Variants in MOB3C observed in about 807,000 individuals in gnomAD.
MOB3C encodes MOB kinase activator 3C.
A neutral mutation model predicts 19.8 loss-of-function variants in MOB3C; 17 were observed. That is an observed-to-expected ratio of 0.86 (90% CI 0.59 to 1.29). MOB3C has a LOEUF of 1.29. Among genes scored for constraint, MOB3C ranks in the 50% most tolerant of loss-of-function variants. MOB3C has a pLI of 0.00. For missense variants in MOB3C, 291 were observed against 301.9 expected, an observed-to-expected ratio of 0.96 and a Z score of 0.27; for synonymous variants, 101 against 119.2, an observed-to-expected ratio of 0.85 and a Z score of 0.99.
At chr1:46,610,729 G>C (rs999875848) in intron 2 of MOB3C, among the ~76,000 whole-genome samples, 6 of 152,156 alleles carry the variant, frequency 3.9e-5, no homozygotes, top group Non-Finnish European at 8.8e-5. Flanking sequence ...GCTCTCCCCT[G>C]CTGGAATATA....
rs893771080 is a variant in MOB3C at position 46,612,977 on chromosome 1, C to T, written c.345G>A (p.Pro115=). ...QYRRPAKLSA[P]RYMALLMDWI... is the part of the protein sequence containing the mutation. ...AGTCCATGAGCAATGCCATATAGCG[C>T]GGCGCAGAGAGCTTGGCGGGCCGCC... is the stretch of plus-strand genomic sequence containing the variant. Residue 115 remains proline (P), a synonymous_variant, in exon 2 of 4, where the codon CCG becomes CCA. Transcript: ENST00000319928. 1 of 1,609,990 alleles carries T rather than the reference C, an allele frequency of 6.2e-7. No individual in the cohort carries two copies. Among genetic ancestry groups the T allele is most frequent in the Non-Finnish European group, 8.5e-7 (1 of 1,177,554 alleles).
At chr1:46,612,331 G>A (rs984800479) in intron 2 of MOB3C, among the ~76,000 whole-genome samples, 8 of 152,124 alleles carry the variant, frequency 5.3e-5, no homozygotes, top group Non-Finnish European at 8.8e-5. Flanking sequence ...AACACCTCGG[G>A]GCAACTGTTC....
rs1299515090 is a variant in MOB3C, at chr1:46,609,037, T to G, written c.*618A>C. ...AGCAACATCTACAACCACATTTTTG[T>G]GCACTTACACACATGGTCAGATACA... On this transcript the variant is annotated 3_prime_UTR_variant, in exon 4 of 4. Transcript: ENST00000319928. 3.2e-5 allele frequency: 5 copies of G among 155,828 alleles called. No homozygotes were observed. The highest frequency in any genetic ancestry group is 6.2e-5 in the Admixed American group (1 of 16,118). 9.7% of individuals were successfully genotyped at this position (155,828 alleles called of 1,614,324 possible). A position where few individuals can be genotyped will look rare whatever the true frequency, so the allele number is the denominator to read the frequency against.
At chr1:46,614,104 C>G (rs1047937890) in intron 1 of MOB3C, 1 of 152,338 alleles carries the variant, frequency 6.6e-6, no homozygotes, top group Non-Finnish European at 1.5e-5. Context: ...TGGCTCCTCC[C>G]GTTGCACCTG....
rs887652703 is a variant in MOB3C at position 46,611,464 on chromosome 1, G to A, written c.419-1260C>T. 2.0e-5 allele frequency among the ~76,000 whole-genome samples: 3 copies of A among 152,340 alleles called. No individual in the cohort carries two copies. The highest frequency in any genetic ancestry group is 1.3e-4 in the Admixed American group (2 of 15,306). On this transcript the variant is annotated intron_variant, in intron 2 of 3. Coordinates refer to ENST00000319928, the MANE Select transcript of MOB3C (RefSeq NM_201403.3). This position sits in a 1 kb window ranked among gnomAD's most constrained non-coding sequence, Gnocchi z 4.1. ...CTTGGTGGCTTATGCCCTCTTCTCT[G>A]TGTGGCAGTCACCCAGGGTTTTAGG... is the stretch of plus-strand genomic sequence containing the variant.
rs1227829931 is a variant in MOB3C, at chr1:46,611,073, A to AC, written c.419-870dup. On this transcript the variant is annotated intron_variant, in intron 2 of 3. Transcript: ENST00000319928. The surrounding 1 kb of genome is among the most constrained non-coding windows in gnomAD (Gnocchi z 4.1). Reference sequence around the variant, plus strand: ...TCAACATTCACACAGAAGTCCTCAGACCCCCAATCCTGGAAATTATGAATT... The same window carrying AC: ...TCAACATTCACACAGAAGTCCTCAGACCCCCCAATCCTGGAAATTATGAATT... 6.6e-6 allele frequency among the ~76,000 whole-genome samples: 1 copy of AC among 151,904 alleles called. No individual in the cohort carries two copies. The highest frequency in any genetic ancestry group is 1.5e-5 in the Non-Finnish European group (1 of 67,982).
At position 46,613,003 on chromosome 1, in the gene MOB3C, G is replaced by A. The variant is rs779275572; in HGVS notation, c.319C>T (p.Arg107Trp). The A allele has an allele frequency of 1.9e-6, 3 of 1,612,808 alleles. No individual in the cohort carries two copies. Among genetic ancestry groups the A allele is most frequent in the Non-Finnish European group, 2.5e-6 (3 of 1,179,306 alleles). The change falls in exon 2 of 4, where the codon CGG becomes TGG. Residue 107 changes from arginine to tryptophan, a missense_variant. Physicochemically the swap from Arg to Trp is moderately radical, Grantham distance 101. Transcript: ENST00000319928. ...EYRWQDERQY[R>W]RPAKLSAPRY... The stretch of plus-strand genomic sequence containing the variant: ...GGCGCAGAGAGCTTGGCGGGCCGCC[G>A]GTACTGGCGCTCGTCCTGCCAGCGG...
Position 46,610,188 on chromosome 1 carries a change from C to T in MOB3C, c.435G>A (p.Lys145=). The T allele has an allele frequency of 1.2e-6, 2 of 1,613,940 alleles. No homozygotes were observed. The highest frequency in any genetic ancestry group is 1.7e-6 in the Non-Finnish European group (2 of 1,179,982). ...FPTRVGVPFP[K]NFQQVCTKIL... is the part of the protein sequence containing the mutation. ...TCTTGGTGCAGACCTGCTGGAAGTT[C>T]TTAGGGAAGGGAACTCCTAGAGGGC... The change falls in exon 3 of 4, where the codon AAG becomes AAA. Residue 145 remains lysine (K), a synonymous_variant. Transcript: ENST00000319928.
rs538553346 is a variant in MOB3C, at chr1:46,610,519, G to A, written c.419-315C>T. Among the ~76,000 whole-genome samples, 6 of 152,286 alleles carry A rather than the reference G, an allele frequency of 3.9e-5. No homozygotes were observed. In the South Asian group the frequency reaches 1.2e-3, roughly 32 times the overall value. On this transcript the variant is annotated intron_variant, in intron 2 of 3. Coordinates refer to ENST00000319928, the MANE Select transcript of MOB3C (RefSeq NM_201403.3). ...CTGCCTCAGCCTCCCAAGTAGCTGG[G>A]ATTACAGACATGTGCCATCATGCCC... is the stretch of plus-strand genomic sequence containing the variant.
chr1:46,615,068 G>A (rs1382981456), intron 1 of MOB3C: 2 of 1,612,922 alleles, frequency 1.2e-6, no homozygotes, highest in East Asian at 2.2e-5. Flanking sequence ...AGAGATTTCT[G>A]CGCTTCATTT....
intron 1 of MOB3C, chr1:46,615,299 C>A: frequency 1.9e-6 from 1 of 538,202 alleles, no homozygotes; most frequent in South Asian, 2.8e-5. Flanking sequence ...CTGAACACGC[C>A]CCCACTCTTT....
Position 46,609,550 on chromosome 1 carries a change from T to G in MOB3C, c.*105A>C. On this transcript the variant is annotated 3_prime_UTR_variant, in exon 4 of 4. Coordinates refer to ENST00000319928, the MANE Select transcript of MOB3C (RefSeq NM_201403.3). ...GTCCAGAGGCTTTGGGTGTGTGGAG[T>G]GATTCCAGTGCCTTCAGATTCCTTC... The G allele has an allele frequency of 7.1e-7, 1 of 1,412,036 alleles. No individual in the cohort carries two copies. The highest frequency in any genetic ancestry group is 1.0e-6 in the Non-Finnish European group (1 of 1,003,258). 87.5% of individuals were successfully genotyped at this position (1,412,036 alleles called of 1,614,324 possible). A position where few individuals can be genotyped will look rare whatever the true frequency, so the allele number is the denominator to read the frequency against.
Position 46,610,076 on chromosome 1 carries a change from T to C in MOB3C, c.547A>G (p.Asn183Asp), listed in dbSNP as rs762437591. 1 of 1,614,210 alleles carries C rather than the reference T, an allele frequency of 6.2e-7. No individual in the cohort carries two copies. The highest frequency in any genetic ancestry group is 8.5e-7 in the Non-Finnish European group (1 of 1,180,030). The change falls in exon 3 of 4, where the codon AAC becomes GAC. Residue 183 changes from asparagine (N) to aspartate (D), a missense_variant. By Grantham distance (23) the Asn-to-Asp change is conservative. Transcript: ENST00000319928. The part of the protein sequence containing the change: ...ILSMGAEAHV[N>D]TCYKHFYYFI... ...TAGTAGAAGTGCTTGTAGCAGGTGTTGACGTGCGCCTCTGCCCCCATGCTG... is the reference window on the plus strand; with the variant it reads ...TAGTAGAAGTGCTTGTAGCAGGTGTCGACGTGCGCCTCTGCCCCCATGCTG...
chr1:46,613,495 G>C (rs1457318508), intron 1 of MOB3C, 124 bp from the exon 2 acceptor site: 1 of 947,764 alleles, frequency 1.1e-6, no homozygotes, highest in African/African-American at 1.6e-5. Flanking sequence ...CCTCTGCCTG[G>C]AATCTAAGTC....
chr1:46,613,787 G>T (rs1675516730), intron 1 of MOB3C: 1 of 188,112 alleles, frequency 5.3e-6, no homozygotes, highest in South Asian at 1.4e-4. Context: ...CATTGTGCTG[G>T]GGGCAGGGTG....
intron 1 of MOB3C, chr1:46,613,705 G>A (rs913826884): frequency 1.6e-5 from 5 of 306,140 alleles, no homozygotes; most frequent in Non-Finnish European, 2.5e-5. Flanking sequence ...CCCACCAGCA[G>A]ACAGGGGCTT....
At chr1:46,610,990 C>T (rs1675455062) in intron 2 of MOB3C, among the ~76,000 whole-genome samples, 1 of 152,210 alleles carries the variant, frequency 6.6e-6, no homozygotes, top group Non-Finnish European at 1.5e-5. Flanking sequence ...CTGCTCAAGG[C>T]CTTTCATGAT....
Position 46,613,332 on chromosome 1 carries a change from G to C in MOB3C, c.-11C>G. 1.9e-6 allele frequency: 3 copies of C among 1,601,884 alleles called. No homozygotes were observed. In the East Asian group the frequency reaches 6.7e-5, roughly 36 times the overall value. ...CAGGCACAGGGCCATGGCCAGCTGG[G>C]CCTGGGGCTGCTGTCCAGGGGCTCG... On this transcript the variant is annotated 5_prime_UTR_variant, in exon 2 of 4. Coordinates refer to ENST00000319928, the MANE Select transcript of MOB3C (RefSeq NM_201403.3).
At position 46,613,357 on chromosome 1, in the gene MOB3C, G is replaced by A. The variant is rs915348490; in HGVS notation, c.-36C>T. Reference sequence around the variant, plus strand: ...GCCTGGGGCTGCTGTCCAGGGGCTCGGACCTGAGGATACCCTGCCAGGGAC... The same window carrying A: ...GCCTGGGGCTGCTGTCCAGGGGCTCAGACCTGAGGATACCCTGCCAGGGAC... On this transcript the variant is annotated 5_prime_UTR_variant, in exon 2 of 4. Transcript: ENST00000319928. 1.3e-6 allele frequency: 2 copies of A among 1,597,008 alleles called. No individual in the cohort carries two copies. The highest frequency in any genetic ancestry group is 1.7e-6 in the Non-Finnish European group (2 of 1,178,184).
Sources: allele counts gnomAD v4.1 joint callset (sites outside exome capture counted in the v4.1 genomes callset), GRCh38; gene constraint gnomAD v4.1.1; non-coding constraint Gnocchi (gnomAD v3.1); transcripts MANE v1.5; gene names NCBI Gene and HGNC (gene_info 2026-07-23, HGNC 2026-07-21).